GNB4: variants seen among roughly 807,000 people sequenced by gnomAD.
GNB4 encodes guanine nucleotide-binding protein subunit beta-4.
GNB4 carries 28 observed loss-of-function variants against 45.2 expected under a neutral mutation model. The ratio of observed to expected loss-of-function variants is 0.62; its 90% CI spans 0.46 to 0.85. The LOEUF (loss-of-function observed/expected upper bound fraction) is 0.85, where lower values mean the gene tolerates loss of function less well. Ranked by LOEUF, GNB4 falls within the 40% of genes least tolerant of loss-of-function variation. The probability of loss-of-function intolerance (pLI) is 0.00; values close to 1 mark genes in which losing one functional copy is unlikely to be tolerated. For missense variants in GNB4, 321 were observed against 425.4 expected, an observed-to-expected ratio of 0.75 and a Z score of 2.16; for synonymous variants, 132 against 143.7, an observed-to-expected ratio of 0.92 and a Z score of 0.58.
At chr3:179,491,880 T>C in the GNB4 span, among the ~76,000 whole-genome samples, 1 of 152,178 alleles carries the variant, frequency 6.6e-6, no homozygotes, top group African/African-American at 2.4e-5. Flanking sequence ...CAATGTAATA[T>C]CTAGGAGATC....
At chr3:179,484,224 T>C in the GNB4 span, among the ~76,000 whole-genome samples, 4 of 152,258 alleles carry the variant, frequency 2.6e-5, no homozygotes, top group African/African-American at 9.6e-5. Flanking sequence ...TAGACTTATA[T>C]AGGCAAACAA....
At chr3:179,413,863 TA>T in intron 6 of GNB4, 82 bp from the exon 7 acceptor site, 2 of 1,007,914 alleles carry the variant, frequency 2.0e-6, no homozygotes, top group Non-Finnish European at 3.0e-6. Flanking sequence ...TATATATTTT[TA>T]AAAATAGAAT....
At chr3:179,473,684 C>T in the GNB4 span, among the ~76,000 whole-genome samples, 2 of 152,122 alleles carry the variant, frequency 1.3e-5, no homozygotes, top group African/African-American at 4.8e-5. Context: ...CGTTCTGTTT[C>T]TCTATTTTGA....
intron 5 of GNB4, among the ~76,000 whole-genome samples, chr3:179,415,769 T>C (rs1182514741): frequency 2.0e-5 from 3 of 152,202 alleles, no homozygotes; most frequent in East Asian, 3.8e-4. Context: ...TATGAAAATA[T>C]AGTTGAAAGA....
intron 1 of GNB4, among the ~76,000 whole-genome samples, chr3:179,435,470 C>CAAAAAAAAAAAAAAAAA (rs11389978): frequency 1.0e-5 from 1 of 96,062 alleles, no homozygotes; most frequent in African/African-American, 4.2e-5. Flanking sequence ...CTTTCTTTTA[C>CAAAAAAAAAAAAAAAAA]AAAAAAAAAA....
chr3:179,501,064 T>A, the GNB4 span, among the ~76,000 whole-genome samples: 1 of 152,164 alleles, frequency 6.6e-6, no homozygotes, highest in Non-Finnish European at 1.5e-5. Context: ...TTGAGTAAGC[T>A]CTGGAAGTAG....
the GNB4 span, among the ~76,000 whole-genome samples, chr3:179,513,633 T>G: frequency 6.6e-6 from 1 of 152,172 alleles, no homozygotes; most frequent in Admixed American, 6.5e-5. Context: ...AAAGCCCTCC[T>G]TTTTTATTTT....
the GNB4 span, among the ~76,000 whole-genome samples, chr3:179,513,298 C>T: frequency 6.6e-6 from 1 of 151,454 alleles, no homozygotes; most frequent in Non-Finnish European, 1.5e-5. Context: ...AGCCTCCCAC[C>T]TCAGCCTCCC....
At chr3:179,501,891 C>T in the GNB4 span, among the ~76,000 whole-genome samples, 1 of 152,146 alleles carries the variant, frequency 6.6e-6, no homozygotes, top group African/African-American at 2.4e-5. Flanking sequence ...ATTCCAAGCA[C>T]TATCATCTCT....
intron 9 of GNB4, among the ~76,000 whole-genome samples, chr3:179,403,063 C>G (rs1714350948): frequency 6.6e-6 from 1 of 152,078 alleles, no homozygotes; most frequent in South Asian, 2.1e-4. Flanking sequence ...AAACTGGCAG[C>G]CAGTTTATAC....
At chr3:179,509,425 GA>G in the GNB4 span, among the ~76,000 whole-genome samples, 3 of 152,124 alleles carry the variant, frequency 2.0e-5, no homozygotes, top group African/African-American at 7.2e-5. Flanking sequence ...CAGATCTTGG[GA>G]AGCCAAATTA....
chr3:179,505,084 T>C, the GNB4 span, among the ~76,000 whole-genome samples: 1 of 152,164 alleles, frequency 6.6e-6, no homozygotes, highest in Non-Finnish European at 1.5e-5. Context: ...CAAGAGCACA[T>C]GAAGCTGATC....
the GNB4 span, among the ~76,000 whole-genome samples, chr3:179,479,126 T>C: frequency 6.6e-6 from 1 of 152,188 alleles, no homozygotes; most frequent in Non-Finnish European, 1.5e-5. Context: ...TACACCCAAC[T>C]AACTTTTCTA....
chr3:179,473,853 A>C, the GNB4 span, among the ~76,000 whole-genome samples: 2 of 152,206 alleles, frequency 1.3e-5, no homozygotes, highest in African/African-American at 4.8e-5. Context: ...ATTGTGCTAC[A>C]CTTCTCTATT....
the GNB4 span, among the ~76,000 whole-genome samples, chr3:179,486,560 T>G: frequency 1.3e-5 from 2 of 152,192 alleles, no homozygotes; most frequent in African/African-American, 4.8e-5. Context: ...ACATCTCTTA[T>G]AGTAAACCAA....
At chr3:179,403,195 G>A (rs79422823) in intron 9 of GNB4, among the ~76,000 whole-genome samples, 26,573 of 151,934 alleles carry the variant, frequency 0.17, 2,415 homozygotes, top group Admixed American at 0.23. Context: ...CACCAGCCAC[G>A]TGCCCAGAGC....
intron 1 of GNB4, among the ~76,000 whole-genome samples, chr3:179,429,351 C>T (rs1715237514): frequency 6.6e-6 from 1 of 152,226 alleles, no homozygotes; most frequent in South Asian, 2.1e-4. Flanking sequence ...CGGGAATCAA[C>T]ACAAAGCATC....
rs982336786 is a variant in GNB4, at chr3:179,405,349, A to G, written c.757T>C (p.Phe253Leu). ...AACTCTTGATCTGCACGAAGGTCAA[A>G]GAGCCGGCAAGTGGCATCATCAGAG... ...TGSDDATCRL[F>L]DLRADQELLL... The change falls in exon 9 of 10, where the codon TTT becomes CTT. Residue 253 changes from phenylalanine (F) to leucine (L), a missense_variant. Physicochemically the swap from Phe to Leu is conservative, Grantham distance 22. Coordinates refer to ENST00000232564, the MANE Select transcript of GNB4 (RefSeq NM_021629.4). The G allele has an allele frequency of 2.5e-6, 4 of 1,613,944 alleles. No individual in the cohort carries two copies. In the African/African-American group the frequency reaches 4.0e-5, roughly 16 times the overall value.
At chr3:179,434,585 G>A (rs1259345649) in intron 1 of GNB4, among the ~76,000 whole-genome samples, 2 of 151,924 alleles carry the variant, frequency 1.3e-5, no homozygotes, top group East Asian at 1.9e-4. Context: ...GCCAGATGTC[G>A]TGGTGTGTGC....
Sources: gnomAD v4.1 joint callset for allele counts (sites outside exome capture counted in the v4.1 genomes callset) on GRCh38, gnomAD v4.1.1 for gene constraint, MANE v1.5 for transcripts, NCBI Gene and HGNC (gene_info 2026-07-23, HGNC 2026-07-21) for gene names.